Variants in GAN observed in about 807,000 individuals in gnomAD.
The protein encoded by GAN is epididymis secretory sperm binding protein.
Under a neutral mutation model 71.3 loss-of-function variants are expected in GAN, and 48 were observed. The ratio of observed to expected loss-of-function variants is 0.67; its 90% CI spans 0.53 to 0.86. GAN has a LOEUF of 0.86. GAN is among the 40% of genes least tolerant of loss of function. GAN has a pLI of 0.00. For synonymous variants in GAN, 386 were observed against 276.8 expected (o/e 1.39, Z -3.92); for missense variants, 928 against 770.1 (o/e 1.21, Z -2.43).
Position 81,321,075 on chromosome 16 carries a change from A to C in GAN, c.167+5795A>C, listed in dbSNP as rs114280690. 1.6e-3 allele frequency among the ~76,000 whole-genome samples: 243 copies of C among 152,362 alleles called. 3 individuals are homozygous for C. The highest frequency in any genetic ancestry group is 5.8e-3 in the African/African-American group (240 of 41,598). On this transcript the variant is annotated intron_variant, in intron 1 of 10. Coordinates refer to ENST00000648994, the MANE Select transcript of GAN (RefSeq NM_022041.4). ...ACTAAGCACTTGTAAATTTCAATTT[A>C]ACACAGATTACTCATGTCAGTTTAA...
intron 10 of GAN, 24 bp from the exon 11 acceptor site, chr16:81,377,391 C>T (rs1904285106): frequency 1.9e-6 from 3 of 1,610,382 alleles, no homozygotes; most frequent in Admixed American, 1.7e-5. Flanking sequence ...CATTTTCTCA[C>T]CCTTGCTTAT....
At chr16:81,327,197 A>G (rs867817102) in intron 1 of GAN, among the ~76,000 whole-genome samples, 8 of 152,260 alleles carry the variant, frequency 5.3e-5, no homozygotes, top group Admixed American at 2.0e-4. Flanking sequence ...TTTTGTCCCA[A>G]CATGACTAAA....
chr16:81,325,984 A>G (rs983435773), intron 1 of GAN, among the ~76,000 whole-genome samples: 1 of 152,078 alleles, frequency 6.6e-6, no homozygotes, highest in Non-Finnish European at 1.5e-5. Flanking sequence ...TTTCATATTC[A>G]TCCTTCAAGG....
At chr16:81,333,624 A>G (rs1415463335) in intron 1 of GAN, among the ~76,000 whole-genome samples, 2 of 152,238 alleles carry the variant, frequency 1.3e-5, no homozygotes, top group African/African-American at 2.4e-5. Flanking sequence ...ATTCATAGCA[A>G]TTCATTTTGT....
At chr16:81,353,291 CAAA>C (rs11464814) in intron 2 of GAN, among the ~76,000 whole-genome samples, 1 of 132,674 alleles carries the variant, frequency 7.5e-6, no homozygotes, top group Non-Finnish European at 1.6e-5. Flanking sequence ...GACTCCGTCT[CAAA>C]AAAAAAAAAA....
Position 81,377,436 on chromosome 16 carries a change from G to A in GAN, c.1634G>A (p.Arg545His), listed in dbSNP as rs746486469. The A allele has an allele frequency of 1.4e-5, 23 of 1,613,888 alleles. No homozygotes were observed. The highest frequency in any genetic ancestry group is 4.2e-6 in the Non-Finnish European group (5 of 1,179,902). Residue 545 changes from arginine (R) to histidine (H), a missense_variant, in exon 11 of 11, where the codon CGT becomes CAT. Transcript: ENST00000648994. ...TTAGGTACCAATTACGACTACGTGCGTGAGTTTAAAAGAAGCACAGGAACC... is the reference window on the plus strand; with the variant it reads ...TTAGGTACCAATTACGACTACGTGCATGAGTTTAAAAGAAGCACAGGAACC... ...LDTGTNYDYV[R>H]EFKRSTGTWH... is the part of the protein sequence containing the mutation.
At chr16:81,355,538 A>G (rs1175060636) in intron 3 of GAN, among the ~76,000 whole-genome samples, 1 of 151,982 alleles carries the variant, frequency 6.6e-6, no homozygotes, top group Non-Finnish European at 1.5e-5. Flanking sequence ...TAATTGTTTG[A>G]TTTTTGTAGA....
intron 5 of GAN, 33 bp downstream of exon 5, chr16:81,357,964 C>T: frequency 4.4e-6 from 7 of 1,579,288 alleles, no homozygotes; most frequent in Non-Finnish European, 6.1e-6. Context: ...CCTTAAACAG[C>T]AGATCAAGTA....
intron 1 of GAN, among the ~76,000 whole-genome samples, chr16:81,326,963 GGT>G (rs1909411902): frequency 6.6e-6 from 1 of 152,222 alleles, no homozygotes; most frequent in Non-Finnish European, 1.5e-5. Context: ...ATCCAAGTAA[GGT>G]TGAACTTTCT....
chr16:81,364,844 C>T, intron 7 of GAN, 130 bp from the exon 8 acceptor site: 1 of 881,036 alleles, frequency 1.1e-6, no homozygotes, highest in Non-Finnish European at 1.9e-6. Flanking sequence ...TGAAAAGCAC[C>T]ATCGTTTTAC....
At chr16:81,326,380 AAAAT>A (rs1213812109) in intron 1 of GAN, among the ~76,000 whole-genome samples, 4 of 99,326 alleles carry the variant, frequency 4.0e-5, no homozygotes, top group Non-Finnish European at 6.5e-5. Flanking sequence ...AAAAAAAAAA[AAAAT>A]TAGCCAGATG....
At chr16:81,351,755 A>T in intron 2 of GAN, 58 bp downstream of exon 2, 7 of 821,826 alleles carry the variant, frequency 8.5e-6, no homozygotes, top group Non-Finnish European at 1.3e-5. Context: ...GCTCAGGGTG[A>T]GGGTCTCCTT....
intron 9 of GAN, among the ~76,000 whole-genome samples, chr16:81,365,680 T>C (rs1910831940): frequency 6.6e-6 from 1 of 151,268 alleles, no homozygotes; most frequent in Non-Finnish European, 1.5e-5. Context: ...ATATCTCTAA[T>C]ATGTAGATGA....
chr16:81,335,935 G>C (rs866587640), intron 1 of GAN, among the ~76,000 whole-genome samples: 6 of 152,054 alleles, frequency 3.9e-5, no homozygotes, highest in Middle Eastern at 3.2e-3. Context: ...GAGGAGGTGG[G>C]TGCCCCATGC....
At chr16:81,318,171 G>A (rs1039460125) in intron 1 of GAN, among the ~76,000 whole-genome samples, 3 of 152,284 alleles carry the variant, frequency 2.0e-5, no homozygotes, top group Admixed American at 6.5e-5. Flanking sequence ...ATATATTTAT[G>A]TATTCTAGAA....
chr16:81,316,933 A>AC (rs1317947255), intron 1 of GAN, among the ~76,000 whole-genome samples: 3 of 152,148 alleles, frequency 2.0e-5, no homozygotes, highest in Non-Finnish European at 4.4e-5. Flanking sequence ...ATCTCGGCCC[A>AC]CTGCAACCTC....
At chr16:81,338,517 G>A (rs534147427) in intron 1 of GAN, among the ~76,000 whole-genome samples, 103 of 152,162 alleles carry the variant, frequency 6.8e-4, no homozygotes, top group African/African-American at 2.4e-3. Context: ...TGCAAGATGA[G>A]AAAATTCTAG....
intron 1 of GAN, among the ~76,000 whole-genome samples, chr16:81,337,923 T>C (rs1317320708): frequency 6.6e-6 from 1 of 152,192 alleles, no homozygotes; most frequent in African/African-American, 2.4e-5. Context: ...TTGGCCAGAG[T>C]TAAGCCTCTA....
At chr16:81,323,258 A>G (rs1397547124) in intron 1 of GAN, among the ~76,000 whole-genome samples, 6 of 152,092 alleles carry the variant, frequency 3.9e-5, no homozygotes, top group South Asian at 4.1e-4. Context: ...CTTAACAGCT[A>G]CTGTCTTGTG....
Sources: allele counts gnomAD v4.1 joint callset (sites outside exome capture counted in the v4.1 genomes callset), GRCh38; gene constraint gnomAD v4.1.1; transcripts MANE v1.5; gene names NCBI Gene and HGNC (gene_info 2026-07-23, HGNC 2026-07-21).